The following SYTL5 variants were observed in gnomAD, a reference collection of about 807,000 sequenced individuals.
SYTL5 encodes synaptotagmin-like protein 5.
A neutral mutation model predicts 55.9 loss-of-function variants in SYTL5; 34 were observed. The ratio of observed to expected loss-of-function variants is 0.61; its 90% CI spans 0.46 to 0.81. The LOEUF is 0.81. Ranked by LOEUF, SYTL5 falls within the 30% of genes least tolerant of loss-of-function variation. The pLI, the probability that SYTL5 is intolerant of heterozygous loss-of-function variation, is 0.00. For missense variants in SYTL5, 637 were observed against 546.7 expected (o/e 1.17, Z -1.65); for synonymous variants, 221 against 188.7 (o/e 1.17, Z -1.40).
At chrX:37,901,793 G>C in the SYTL5 span, among the ~76,000 whole-genome samples, 1 of 111,638 alleles carries the variant, frequency 9.0e-6, no homozygotes, top group East Asian at 2.8e-4. Context: ...AGGTGAGGAT[G>C]TTGAGCAGGT....
chrX:37,958,294 G>A, the SYTL5 span, among the ~76,000 whole-genome samples: 2 of 111,189 alleles, frequency 1.8e-5, no homozygotes, highest in African/African-American at 3.3e-5. Context: ...AAGTCTGAGA[G>A]CATGGTACCA....
the SYTL5 span, among the ~76,000 whole-genome samples, chrX:37,991,913 C>A: frequency 8.9e-6 from 1 of 112,170 alleles, no homozygotes; most frequent in Non-Finnish European, 1.9e-5. Flanking sequence ...GTGAATATAT[C>A]TTTTTGTCCT....
At chrX:38,100,317 C>G (rs1183011633) in intron 9 of SYTL5, among the ~76,000 whole-genome samples, 1 of 111,091 alleles carries the variant, frequency 9.0e-6, no homozygotes, top group East Asian at 2.8e-4. Flanking sequence ...GAAACTGCCA[C>G]TTTCAGCAAA....
At chrX:38,032,690 A>G (rs763709449) in intron 1 of SYTL5, among the ~76,000 whole-genome samples, 1 of 111,111 alleles carries the variant, frequency 9.0e-6, no homozygotes, top group East Asian at 2.8e-4. Flanking sequence ...ATATATGTAT[A>G]TATGTATATG....
intron 3 of SYTL5, among the ~76,000 whole-genome samples, chrX:38,068,791 T>C (rs1468166129): frequency 9.1e-6 from 1 of 110,001 alleles, no homozygotes; most frequent in Non-Finnish European, 1.9e-5. Context: ...GGGGCAAGGG[T>C]TGAAAAACTA....
In SYTL5 at chrX:38,047,587, C is replaced by T. The variant is rs193100331; in HGVS notation, c.120-6626C>T. Among the ~76,000 whole-genome samples the T allele has an allele frequency of 4.4e-5, 5 of 112,960 alleles. No homozygotes were observed. In the East Asian group the frequency reaches 1.4e-3, roughly 32 times the overall value. ...GAGGGGTTGCCGCAAAGGTCTCTGA[C>T]ATGCCTTGGAGACATTTCCTGCATT... On this transcript the variant is annotated intron_variant, in intron 2 of 16. Transcript: ENST00000297875.
chrX:38,062,198 G>C (rs1232971393), intron 3 of SYTL5, among the ~76,000 whole-genome samples: 2 of 110,957 alleles, frequency 1.8e-5, no homozygotes, highest in Non-Finnish European at 3.8e-5. Context: ...TCAAATTCCT[G>C]ACCTCAAGTG....
the SYTL5 span, among the ~76,000 whole-genome samples, chrX:37,930,585 T>G: frequency 8.9e-6 from 1 of 112,039 alleles, no homozygotes; most frequent in Non-Finnish European, 1.9e-5. Flanking sequence ...TCTGACTGCC[T>G]TTCTCTAGAC....
chrX:37,972,517 G>A, the SYTL5 span, among the ~76,000 whole-genome samples: 4 of 111,233 alleles, frequency 3.6e-5, no homozygotes, highest in East Asian at 2.8e-4. Flanking sequence ...CAACTCCTTC[G>A]GGGTCCTGAG....
At chrX:38,089,867 G>T (rs181926451) in intron 7 of SYTL5, among the ~76,000 whole-genome samples, 208 of 111,683 alleles carry the variant, frequency 1.9e-3, no homozygotes, top group African/African-American at 6.3e-3. Flanking sequence ...CCCTCAACAC[G>T]TGGAGATTGT....
At chrX:37,905,073 T>C in the SYTL5 span, among the ~76,000 whole-genome samples, 2 of 110,725 alleles carry the variant, frequency 1.8e-5, no homozygotes, top group Non-Finnish European at 3.8e-5. Context: ...AGCTATTAAC[T>C]CTTCTAAGTC....
the SYTL5 span, among the ~76,000 whole-genome samples, chrX:37,969,256 C>T: frequency 3.5e-4 from 39 of 111,427 alleles, no homozygotes; most frequent in Non-Finnish European, 5.5e-4. Flanking sequence ...GGAAAAAAAT[C>T]CAAGGGTTTA....
chrX:37,976,472 A>G, the SYTL5 span, among the ~76,000 whole-genome samples: 1 of 111,732 alleles, frequency 8.9e-6, no homozygotes, highest in African/African-American at 3.3e-5. Context: ...ATCAAGTTTA[A>G]CAGAGAAGCA....
chrX:38,096,765 G>T (rs1040661755), intron 9 of SYTL5, among the ~76,000 whole-genome samples: 5 of 110,704 alleles, frequency 4.5e-5, no homozygotes, highest in Admixed American at 1.9e-4. Context: ...AATAAAATAC[G>T]GACTCCTTGG....
the SYTL5 span, among the ~76,000 whole-genome samples, chrX:37,930,758 G>C: frequency 8.9e-6 from 1 of 112,182 alleles, no homozygotes; most frequent in Non-Finnish European, 1.9e-5. Context: ...AACAAACACA[G>C]GGTTTGCATC....
At chrX:38,074,656 G>A (rs745481513) in intron 5 of SYTL5, among the ~76,000 whole-genome samples, 1 of 111,703 alleles carries the variant, frequency 9.0e-6, no homozygotes, top group Non-Finnish European at 1.9e-5. Context: ...AAAATGTCTA[G>A]GGTTCTTTTA....
At chrX:38,026,319 A>G (rs955960099) in intron 1 of SYTL5, among the ~76,000 whole-genome samples, 1 of 111,219 alleles carries the variant, frequency 9.0e-6, no homozygotes, top group African/African-American at 3.3e-5. Flanking sequence ...TACTAAATTT[A>G]TAGTCATAGT....
chrX:38,065,496 T>A (rs1057485381), intron 3 of SYTL5, among the ~76,000 whole-genome samples: 4 of 112,175 alleles, frequency 3.6e-5, no homozygotes, highest in African/African-American at 1.3e-4. Context: ...TCCCAGCACT[T>A]TGAAGATGTG....
At chrX:38,014,871 T>G (rs1333581314) in intron 1 of SYTL5, among the ~76,000 whole-genome samples, 2 of 112,349 alleles carry the variant, frequency 1.8e-5, no homozygotes, top group Non-Finnish European at 3.8e-5. Context: ...CCCTGTCCTT[T>G]GTCCACAAGA....
Sources: gnomAD v4.1 joint callset for allele counts (sites outside exome capture counted in the v4.1 genomes callset) on GRCh38, gnomAD v4.1.1 for gene constraint, MANE v1.5 for transcripts, NCBI Gene and HGNC (gene_info 2026-07-23, HGNC 2026-07-21) for gene names.